The following CDH18 variants were observed in gnomAD, a reference collection of about 807,000 sequenced individuals.
CDH18 encodes cadherin 18.
In CDH18, 31 loss-of-function variants were observed where a neutral mutation model predicts 67.9. That is an observed-to-expected ratio of 0.46 (90% CI 0.34 to 0.62). The LOEUF (loss-of-function observed/expected upper bound fraction) is 0.62. Ranked by LOEUF, CDH18 falls within the 20% of genes least tolerant of loss-of-function variation. The pLI is 0.01. For missense variants in CDH18, 890 were observed against 975.5 expected (o/e 0.91, Z 1.17); for synonymous variants, 362 against 347.2 (o/e 1.04, Z -0.48).
chr5:20,503,666 T>C (rs1273009094), intron 1 of CDH18, among the ~76,000 whole-genome samples: 1 of 152,222 alleles, frequency 6.6e-6, no homozygotes, highest in Non-Finnish European at 1.5e-5. Flanking sequence ...GTTATCATTA[T>C]ATGCAGCCAA....
chr5:19,546,942 T>TA (rs966090086), intron 8 of CDH18, among the ~76,000 whole-genome samples: 1 of 152,014 alleles, frequency 6.6e-6, no homozygotes, highest in South Asian at 2.1e-4. Flanking sequence ...AAGTTTAACA[T>TA]AAAAAAGAAA....
chr5:20,165,421 A>G (rs544537238), intron 2 of CDH18, among the ~76,000 whole-genome samples: 1 of 152,242 alleles, frequency 6.6e-6, no homozygotes, highest in Admixed American at 6.5e-5. Flanking sequence ...ACTAACAATC[A>G]TGACTTAGCA....
intron 2 of CDH18, among the ~76,000 whole-genome samples, chr5:19,952,976 A>G (rs1795944843): frequency 1.3e-5 from 2 of 152,082 alleles, no homozygotes; most frequent in Non-Finnish European, 2.9e-5. Context: ...TGACAAGGAA[A>G]TTAGACTAGC....
chr5:19,977,702 T>G (rs889289094), intron 2 of CDH18, among the ~76,000 whole-genome samples: 1 of 132,532 alleles, frequency 7.5e-6, no homozygotes, highest in Non-Finnish European at 1.8e-5. Flanking sequence ...TTTTATTTTT[T>G]TATACCCTTG....
At chr5:19,530,377 GA>G (rs1162320299) in intron 9 of CDH18, among the ~76,000 whole-genome samples, 1 of 151,050 alleles carries the variant, frequency 6.6e-6, no homozygotes, top group Non-Finnish European at 1.5e-5. Context: ...AGAATTATTC[GA>G]AAAAAACACA....
chr5:20,570,585 A>G (rs890923114), intron 1 of CDH18, among the ~76,000 whole-genome samples: 1 of 152,146 alleles, frequency 6.6e-6, no homozygotes, highest in African/African-American at 2.4e-5. Context: ...GATTAATAAA[A>G]TCATGTTCTA....
At chr5:20,192,324 T>G (rs1312492318) in intron 2 of CDH18, among the ~76,000 whole-genome samples, 1 of 152,134 alleles carries the variant, frequency 6.6e-6, no homozygotes, top group African/African-American at 2.4e-5. Flanking sequence ...TGATGACAGC[T>G]TATTTTGCTG....
chr5:19,595,557 G>A (rs968287493), intron 6 of CDH18, among the ~76,000 whole-genome samples: 4 of 152,212 alleles, frequency 2.6e-5, no homozygotes, highest in African/African-American at 7.2e-5. Flanking sequence ...CTGGGAGGCA[G>A]AGGTTGCAGT....
intron 1 of CDH18, among the ~76,000 whole-genome samples, chr5:20,423,463 G>A (rs1748021152): frequency 6.6e-6 from 1 of 150,898 alleles, no homozygotes; most frequent in Non-Finnish European, 1.5e-5. Context: ...AGAGAGTTGT[G>A]GAAAAACTGT....
chr5:20,536,201 C>A (rs991804408), intron 1 of CDH18, among the ~76,000 whole-genome samples: 3 of 152,068 alleles, frequency 2.0e-5, no homozygotes, highest in African/African-American at 4.8e-5. Context: ...ATATAATAAC[C>A]AATTGATCAG....
chr5:20,222,846 T>C (rs1164644231), intron 2 of CDH18, among the ~76,000 whole-genome samples: 1 of 152,114 alleles, frequency 6.6e-6, no homozygotes, highest in Non-Finnish European at 1.5e-5. Context: ...CTCATAGTCA[T>C]TCATTCTTGA....
At chr5:19,824,306 C>G (rs796945657) in intron 3 of CDH18, among the ~76,000 whole-genome samples, 4 of 152,244 alleles carry the variant, frequency 2.6e-5, no homozygotes, top group African/African-American at 9.6e-5. Flanking sequence ...ATCAAGGCAG[C>G]AAAGTGACAC....
chr5:19,474,902 A>T (rs1317219866), intron 12 of CDH18, among the ~76,000 whole-genome samples: 1 of 151,988 alleles, frequency 6.6e-6, no homozygotes, highest in African/African-American at 2.4e-5. Flanking sequence ...TTTCTATTTG[A>T]TGAAATTAAA....
At chr5:20,021,406 T>C (rs891360462) in intron 2 of CDH18, among the ~76,000 whole-genome samples, 2 of 152,160 alleles carry the variant, frequency 1.3e-5, no homozygotes, top group Admixed American at 1.3e-4. Context: ...AGGAATAATA[T>C]GGTGTGGATT....
At chr5:19,549,965 TAG>T (rs1737114484) in intron 8 of CDH18, among the ~76,000 whole-genome samples, 1 of 152,058 alleles carries the variant, frequency 6.6e-6, no homozygotes, top group Admixed American at 6.6e-5. Flanking sequence ...AACAGTTAAA[TAG>T]AGATATGTGC....
chr5:19,819,468 G>C (rs1444645533), intron 3 of CDH18, among the ~76,000 whole-genome samples: 2 of 152,112 alleles, frequency 1.3e-5, no homozygotes, highest in African/African-American at 4.8e-5. Flanking sequence ...AGACACCGAG[G>C]GTGAATAGGG....
chr5:19,582,499 G>A (rs2149990009), intron 7 of CDH18, among the ~76,000 whole-genome samples: 1 of 152,054 alleles, frequency 6.6e-6, no homozygotes, highest in South Asian at 2.1e-4. Flanking sequence ...CCGTGTCAAA[G>A]TCATCCAAAA....
intron 2 of CDH18, among the ~76,000 whole-genome samples, chr5:19,939,597 C>T (rs182880922): frequency 1.3e-4 from 19 of 151,740 alleles, no homozygotes; most frequent in Admixed American, 9.9e-4. Flanking sequence ...TTTGCAACTC[C>T]GTGTTCACTA....
At chr5:20,140,177 A>C (rs1278903860) in intron 2 of CDH18, among the ~76,000 whole-genome samples, 1 of 152,216 alleles carries the variant, frequency 6.6e-6, no homozygotes, top group Non-Finnish European at 1.5e-5. Context: ...AGGCACATGG[A>C]TGAAGCTGGA....
Sources: gnomAD v4.1 joint callset for allele counts (sites outside exome capture counted in the v4.1 genomes callset) on GRCh38, gnomAD v4.1.1 for gene constraint, MANE v1.5 for transcripts, NCBI Gene and HGNC (gene_info 2026-07-23, HGNC 2026-07-21) for gene names.